Variants in GTF2E2 observed in about 807,000 individuals in gnomAD.
GTF2E2 encodes the protein general transcription factor IIE subunit 2, also known as transcription initiation factor IIE subunit beta.
A neutral mutation model predicts 40.5 loss-of-function variants in GTF2E2; 21 were observed. The ratio of observed to expected loss-of-function variants is 0.52; its 90% CI spans 0.37 to 0.75. GTF2E2 has a LOEUF of 0.75. GTF2E2 is among the 30% of genes least tolerant of loss of function. The pLI is 0.00. For missense variants in GTF2E2, 298 were observed against 338.4 expected (o/e 0.88, Z 0.94); for synonymous variants, 117 against 121.6 (o/e 0.96, Z 0.25).
At chr8:30,637,228 A>G in intron 2 of GTF2E2, 1 of 455,658 alleles carries the variant, frequency 2.2e-6, no homozygotes, top group Non-Finnish European at 4.4e-6. Flanking sequence ...GTTTAAGTAA[A>G]ATAATATTAA....
At position 30,580,352 on chromosome 8, in the gene GTF2E2, C is replaced by A. The variant is rs764969255; in HGVS notation, c.688G>T (p.Glu230Ter). 6.2e-7 allele frequency: 1 copy of A among 1,609,640 alleles called. No homozygotes were observed. Among genetic ancestry groups the A allele is most frequent in the Non-Finnish European group, 8.5e-7 (1 of 1,175,888 alleles). Residue 230 changes from glutamate to a stop codon, truncating the protein, a stop_gained, in exon 7 of 8, where the codon GAG (glutamate) becomes TAG (stop). Coordinates refer to ENST00000355904, the MANE Select transcript of GTF2E2 (RefSeq NM_002095.6). LOFTEE classifies it high-confidence loss of function. ...WRSVTVDSMD[E>*]EKIEEYLKRQ... is the part of the protein sequence containing the mutation. ...TTCAGATATTCTTCAATTTTCTCCT[C>A]GTCCATGGAATCTACAGTGACACTC...
intron 6 of GTF2E2, among the ~76,000 whole-genome samples, chr8:30,590,609 T>C (rs1055771949): frequency 1.3e-5 from 2 of 152,120 alleles, no homozygotes; most frequent in African/African-American, 4.8e-5. Context: ...CTTCATGACC[T>C]TGGATTAGGC....
At chr8:30,593,629 C>T (rs376704287) in intron 6 of GTF2E2, among the ~76,000 whole-genome samples, 38 of 152,056 alleles carry the variant, frequency 2.5e-4, no homozygotes, top group Non-Finnish European at 2.1e-4. Flanking sequence ...AGTAGCACTA[C>T]GAGACTACAG....
chr8:30,586,492 T>G (rs532598180), intron 6 of GTF2E2, among the ~76,000 whole-genome samples: 1 of 152,136 alleles, frequency 6.6e-6, no homozygotes, highest in East Asian at 1.9e-4. Context: ...TTCAATGCAA[T>G]CCCTATAAAA....
chr8:30,601,182 C>G (rs979643646), intron 6 of GTF2E2, among the ~76,000 whole-genome samples: 1 of 152,126 alleles, frequency 6.6e-6, no homozygotes, highest in African/African-American at 2.4e-5. Context: ...CGTGTGAACA[C>G]CAAAATGACA....
At chr8:30,614,583 T>C (rs372701593) in intron 4 of GTF2E2, 25 bp downstream of exon 4, 96 of 1,213,862 alleles carry the variant, frequency 7.9e-5, no homozygotes, top group Non-Finnish European at 1.0e-4. Flanking sequence ...AGGAAATCTC[T>C]CTTGATAATC....
intron 6 of GTF2E2, among the ~76,000 whole-genome samples, chr8:30,598,301 C>T (rs552328957): frequency 1.3e-5 from 2 of 152,160 alleles, no homozygotes; most frequent in Non-Finnish European, 2.9e-5. Flanking sequence ...TTACATACTG[C>T]GGACCTCTTA....
rs574796086 is a variant in GTF2E2, at chr8:30,651,039, A to C, written c.166+2394T>G. Among the ~76,000 whole-genome samples the C allele has an allele frequency of 1.6e-4, 25 of 151,778 alleles. 1 individual carries two copies. The highest frequency in any genetic ancestry group is 5.8e-4 in the African/African-American group (24 of 41,466). ...AAAAAAAAAAAAACCACCTCTCAACAAACTAGAAATAGAAAGGAACTTCTT... is the reference window on the plus strand; with the variant it reads ...AAAAAAAAAAAAACCACCTCTCAACCAACTAGAAATAGAAAGGAACTTCTT... On this transcript the variant is annotated intron_variant, in intron 2 of 7. Transcript: ENST00000355904.
intron 1 of GTF2E2, 95 bp downstream of exon 1, chr8:30,657,878 C>T (rs1802492902): frequency 6.6e-6 from 1 of 152,322 alleles, no homozygotes; most frequent in Non-Finnish European, 1.5e-5. Flanking sequence ...AGGTGGAGGT[C>T]ACGCTCAGCC....
rs761148784 is a variant in GTF2E2 at position 30,578,900 on chromosome 8, G to A, written c.*21C>T. 24 of 1,177,568 alleles carry A rather than the reference G, an allele frequency of 2.0e-5. No homozygotes were observed. Among genetic ancestry groups the A allele is most frequent in the Admixed American group, 1.0e-4 (6 of 59,468 alleles). 72.9% of individuals were successfully genotyped at this position (1,177,568 alleles called of 1,614,324 possible). On this transcript the variant is annotated 3_prime_UTR_variant, in exon 8 of 8. Transcript: ENST00000355904. The stretch of plus-strand genomic sequence containing the variant: ...CTCTTGATTGTGTATCTGTAACTCT[G>A]TTCCAGGGCAAAACTGTTCCCTATT...
intron 7 of GTF2E2, among the ~76,000 whole-genome samples, 159 bp from the exon 8 acceptor site, chr8:30,579,196 G>A (rs1023464767): frequency 1.2e-4 from 19 of 152,100 alleles, no homozygotes; most frequent in African/African-American, 2.9e-4. Context: ...CACAGCACAC[G>A]CCCTGACCAG....
rs532097314 is a variant in GTF2E2 at position 30,620,171 on chromosome 8, T to C, written c.259-5456A>G. Among the ~76,000 whole-genome samples the C allele has an allele frequency of 5.3e-5, 8 of 152,062 alleles. 1 individual carries two copies. The highest frequency in any genetic ancestry group is 1.7e-4 in the African/African-American group (7 of 41,384). On this transcript the variant is annotated intron_variant, in intron 3 of 7. Transcript: ENST00000355904. ...TTCCAAAACTGGAAGATAACCAATT[T>C]CTGTTGTTTTAAGCCACTAAAGTTG...
chr8:30,602,020 C>CTT (rs11292554), intron 6 of GTF2E2, among the ~76,000 whole-genome samples: 1 of 141,810 alleles, frequency 7.1e-6, no homozygotes, highest in Non-Finnish European at 1.5e-5. Flanking sequence ...ATTTTTTAAT[C>CTT]TTTTTTTTTT....
intron 3 of GTF2E2, among the ~76,000 whole-genome samples, chr8:30,625,866 T>C (rs1233090944): frequency 2.6e-5 from 4 of 152,186 alleles, no homozygotes; most frequent in African/African-American, 9.6e-5. Context: ...CCCAAAGTGC[T>C]AGGATTACAG....
chr8:30,598,092 G>A (rs1490847801), intron 6 of GTF2E2, among the ~76,000 whole-genome samples: 1 of 152,156 alleles, frequency 6.6e-6, no homozygotes, highest in East Asian at 1.9e-4. Flanking sequence ...TTTAGAATAT[G>A]TATTACATAT....
chr8:30,607,129 A>AT lies in GTF2E2; in HGVS notation c.570dup (p.Phe191IlefsTer7). The AT allele has an allele frequency of 7.0e-7, 1 of 1,434,662 alleles. No individual in the cohort carries two copies. The highest frequency in any genetic ancestry group is 9.7e-7 in the Non-Finnish European group (1 of 1,030,248). The allele number at this position is 1,434,662 out of a possible 1,614,324, so 88.9% of individuals were successfully genotyped here. ...TTCTTCTTATCGGGACGATTTACAA[A>AT]TAGTATCTGGTCCCCCAAAGCCTTA... On this transcript the variant is annotated frameshift_variant, in exon 6 of 8. Coordinates refer to ENST00000355904, the MANE Select transcript of GTF2E2 (RefSeq NM_002095.6). LOFTEE classifies it high-confidence loss of function.
chr8:30,641,545 A>C (rs1801831117), intron 2 of GTF2E2, among the ~76,000 whole-genome samples: 1 of 152,016 alleles, frequency 6.6e-6, no homozygotes, highest in Admixed American at 6.5e-5. Context: ...ATTTTTGTAG[A>C]GACAGGGCCT....
At chr8:30,618,258 T>C (rs940778611) in intron 3 of GTF2E2, among the ~76,000 whole-genome samples, 3 of 38,574 alleles carry the variant, frequency 7.8e-5, no homozygotes, top group East Asian at 4.0e-4. Flanking sequence ...GGTTGCACTA[T>C]TGCACTCCAG....
intron 2 of GTF2E2, among the ~76,000 whole-genome samples, chr8:30,637,537 T>C (rs1295111755): frequency 1.3e-5 from 2 of 152,034 alleles, no homozygotes; most frequent in African/African-American, 4.8e-5. Flanking sequence ...TATTTTATTT[T>C]ATTTGAGATG....
Sources: gnomAD v4.1 joint callset for allele counts (sites outside exome capture counted in the v4.1 genomes callset) on GRCh38, gnomAD v4.1.1 for gene constraint, MANE v1.5 for transcripts, NCBI Gene and HGNC (gene_info 2026-07-23, HGNC 2026-07-21) for gene names.